PPP2R2B: variants seen among roughly 807,000 people sequenced by gnomAD.
The protein encoded by PPP2R2B is protein phosphatase 2 regulatory subunit Bbeta, also known as serine/threonine-protein phosphatase 2A 55 kDa regulatory subunit B beta isoform.
In PPP2R2B, 5 loss-of-function variants were observed where a neutral mutation model predicts 46.0. The observed-to-expected ratio is 0.11, with a 90% CI of 0.06 to 0.23. PPP2R2B has a LOEUF of 0.23. Ranked by LOEUF, PPP2R2B falls within the 10% of genes least tolerant of loss-of-function variation. PPP2R2B has a pLI of 1.00. For missense variants in PPP2R2B, 367 were observed against 575.0 expected, an observed-to-expected ratio of 0.64 and a Z score of 3.70; for synonymous variants, 215 against 206.7, an observed-to-expected ratio of 1.04 and a Z score of -0.34.
At chr5:146,788,926 G>C (rs1467088915) in intron 2 of PPP2R2B, among the ~76,000 whole-genome samples, 1 of 152,116 alleles carries the variant, frequency 6.6e-6, no homozygotes, top group Non-Finnish European at 1.5e-5. Flanking sequence ...CTTGCTCACT[G>C]TTGTACCCCA....
At chr5:146,818,900 G>A (rs990460827) in intron 2 of PPP2R2B, among the ~76,000 whole-genome samples, 2 of 152,150 alleles carry the variant, frequency 1.3e-5, no homozygotes, top group African/African-American at 4.8e-5. Context: ...TGAAGAATTG[G>A]CACAAGGCCT....
intron 1 of PPP2R2B, among the ~76,000 whole-genome samples, chr5:146,986,918 CCAAGTAGATA>C (rs1753458031): frequency 6.6e-6 from 1 of 151,984 alleles, no homozygotes; most frequent in Non-Finnish European, 1.5e-5. Flanking sequence ...CCAAAGACCA[CCAAGTAGATA>C]CAACTCAAAC....
intron 7 of PPP2R2B, among the ~76,000 whole-genome samples, chr5:146,603,973 A>G (rs1772027035): frequency 1.3e-5 from 2 of 152,204 alleles, no homozygotes; most frequent in Non-Finnish European, 2.9e-5. Flanking sequence ...TCTTGTATGC[A>G]CAGGCACACA....
chr5:146,886,839 ATAAG>A (rs1762345201), intron 1 of PPP2R2B, among the ~76,000 whole-genome samples: 1 of 151,974 alleles, frequency 6.6e-6, no homozygotes, highest in African/African-American at 2.4e-5. Flanking sequence ...AAAAAAAAAA[ATAAG>A]TATTTTTAAT....
At chr5:146,859,685 T>C (rs967015554) in intron 2 of PPP2R2B, among the ~76,000 whole-genome samples, 4 of 152,110 alleles carry the variant, frequency 2.6e-5, no homozygotes, top group African/African-American at 9.7e-5. Flanking sequence ...TGGTATGAAA[T>C]AGCCTGAGAA....
chr5:146,840,131 G>A (rs1056962641), intron 2 of PPP2R2B, among the ~76,000 whole-genome samples: 2 of 152,172 alleles, frequency 1.3e-5, no homozygotes, highest in African/African-American at 4.8e-5. Context: ...TCTATTTAAA[G>A]GAGCAGCAGT....
chr5:146,743,657 G>T (rs1753009422), intron 2 of PPP2R2B, among the ~76,000 whole-genome samples: 1 of 152,038 alleles, frequency 6.6e-6, no homozygotes, highest in Middle Eastern at 3.2e-3. Flanking sequence ...TTCAGATTCA[G>T]TTTAAAACTT....
At chr5:147,014,820 C>A (rs1754920628) in intron 1 of PPP2R2B, among the ~76,000 whole-genome samples, 1 of 151,728 alleles carries the variant, frequency 6.6e-6, no homozygotes, top group Admixed American at 6.6e-5. Context: ...ACCAGCATGG[C>A]ACATGTATAC....
chr5:146,645,593 T>C (rs1775530573), intron 6 of PPP2R2B, among the ~76,000 whole-genome samples: 2 of 152,166 alleles, frequency 1.3e-5, no homozygotes, highest in African/African-American at 4.8e-5. Flanking sequence ...ATGGTAGTAA[T>C]GAGTGCTAGA....
chr5:146,624,099 A>G (rs1773884262), intron 7 of PPP2R2B, among the ~76,000 whole-genome samples: 1 of 152,184 alleles, frequency 6.6e-6, no homozygotes, highest in African/African-American at 2.4e-5. Flanking sequence ...TTTCAGACTT[A>G]ATGTTTTCTA....
intron 2 of PPP2R2B, among the ~76,000 whole-genome samples, chr5:146,804,575 A>G (rs1353110661): frequency 6.6e-6 from 1 of 152,120 alleles, no homozygotes; most frequent in East Asian, 1.9e-4. Context: ...TATTCGCCGG[A>G]TGGATTACTG....
At chr5:146,812,299 A>T (rs896656147) in intron 2 of PPP2R2B, among the ~76,000 whole-genome samples, 1 of 150,470 alleles carries the variant, frequency 6.6e-6, no homozygotes, top group Non-Finnish European at 1.5e-5. Flanking sequence ...CCTCAAAATA[A>T]CAAAGTTTCT....
At chr5:146,864,015 A>G (rs912200292) in intron 2 of PPP2R2B, among the ~76,000 whole-genome samples, 1 of 152,200 alleles carries the variant, frequency 6.6e-6, no homozygotes, top group Non-Finnish European at 1.5e-5. Flanking sequence ...CGATTTTAGA[A>G]GGAAATTTAT....
At chr5:146,757,277 G>A (rs1222595629) in intron 2 of PPP2R2B, among the ~76,000 whole-genome samples, 1 of 152,134 alleles carries the variant, frequency 6.6e-6, no homozygotes, top group Non-Finnish European at 1.5e-5. Flanking sequence ...AGTAGAGCGG[G>A]AACATGGTTT....
At chr5:147,028,786 C>T (rs778141921) in intron 1 of PPP2R2B, among the ~76,000 whole-genome samples, 2 of 152,174 alleles carry the variant, frequency 1.3e-5, no homozygotes, top group African/African-American at 2.4e-5. Context: ...AATTTATACT[C>T]GCACTGGTAG....
chr5:146,595,280 C>T (rs1042673390), intron 8 of PPP2R2B, among the ~76,000 whole-genome samples: 2 of 152,164 alleles, frequency 1.3e-5, no homozygotes, highest in African/African-American at 4.8e-5. Flanking sequence ...CTAACTCATT[C>T]ACCTTCACTA....
At chr5:146,828,400 T>A (rs1561939570) in intron 2 of PPP2R2B, among the ~76,000 whole-genome samples, 1 of 152,216 alleles carries the variant, frequency 6.6e-6, no homozygotes, top group Non-Finnish European at 1.5e-5. Flanking sequence ...GAATCAGGGC[T>A]GGTGCATTGC....
chr5:146,698,144 T>C lies in PPP2R2B; in HGVS notation c.169A>G (p.Ser57Gly). The C allele has an allele frequency of 6.3e-7, 1 of 1,583,618 alleles. No individual in the cohort carries two copies. The highest frequency in any genetic ancestry group is 8.5e-7 in the Non-Finnish European group (1 of 1,170,462). Residue 57 changes from serine to glycine, a missense_variant and splice_region_variant, in exon 4 of 10, where the codon AGT becomes GGT. Ser to Gly is a moderately conservative substitution (Grantham distance 56, BLOSUM62 0). This residue lies in a region of PPP2R2B where 361 missense variants were observed against 545.5 expected (regional missense o/e 0.66). Coordinates refer to ENST00000394411, the MANE Select transcript of PPP2R2B (RefSeq NM_181675.4). ...CCCCTACGATGAACCTGATTTTTACTCTGTAGGAAAGGAAAAAAATACACA... is the reference window on the plus strand; with the variant it reads ...CCCCTACGATGAACCTGATTTTTACCCTGTAGGAAAGGAAAAAAATACACA... ...RVVIFQREQE[S>G]KNQVHRRGEY...
At chr5:146,622,087 G>C (rs748818233) in intron 7 of PPP2R2B, among the ~76,000 whole-genome samples, 4 of 152,142 alleles carry the variant, frequency 2.6e-5, no homozygotes, top group African/African-American at 9.7e-5. Context: ...CTCTCCTACA[G>C]GCCTGGGGAG....
Sources: gnomAD v4.1 joint callset for allele counts (sites outside exome capture counted in the v4.1 genomes callset) on GRCh38, gnomAD v4.1.1 for gene constraint, gnomAD v4.1.1 regional missense constraint, MANE v1.5 for transcripts, NCBI Gene and HGNC (gene_info 2026-07-23, HGNC 2026-07-21) for gene names.